Variants in DLGAP3 observed in about 807,000 individuals in gnomAD.
The protein encoded by DLGAP3 is disks large-associated protein 3.
In DLGAP3, 17 loss-of-function variants were observed where a neutral mutation model predicts 81.2. The ratio of observed to expected loss-of-function variants is 0.21; its 90% CI spans 0.14 to 0.31. DLGAP3 has a LOEUF of 0.31. Ranked by LOEUF, DLGAP3 falls within the 10% of genes least tolerant of loss-of-function variation. DLGAP3 has a pLI of 1.00. For synonymous variants in DLGAP3, 577 were observed against 587.4 expected (o/e 0.98, Z 0.26); for missense variants, 1,124 against 1,388.0 (o/e 0.81, Z 3.02).
rs1165785517 is a variant in DLGAP3 at position 34,904,405 on chromosome 1, C to T, written c.979G>A (p.Val327Ile). ...GMSMSLDGQSVKRSAWHTMMV... is the reference protein window; with the variant it reads ...GMSMSLDGQSIKRSAWHTMMV... ...ATGGTATGCCAGGCACTTCGCTTGA[C>T]CGACTGTCCATCCAGTGACATGGAC... The change falls in exon 3 of 12, where the codon GTC (valine) becomes ATC (isoleucine). Residue 327 changes from valine (V) to isoleucine (I), a missense_variant. By Grantham distance (29) the Val-to-Ile change is conservative. Around this residue, in one of 9 missense-constraint regions of DLGAP3, gnomAD observed 357 missense variants for 408.8 expected, o/e 0.87. Coordinates refer to ENST00000373347, the MANE Select transcript of DLGAP3 (RefSeq NM_001080418.3). This position sits in a 1 kb window ranked among gnomAD's most constrained non-coding sequence, Gnocchi z 8.1. The T allele has an allele frequency of 1.2e-6, 2 of 1,613,976 alleles. No individual in the cohort carries two copies. The highest frequency in any genetic ancestry group is 1.7e-6 in the Non-Finnish European group (2 of 1,180,020).
intron 1 of DLGAP3, among the ~76,000 whole-genome samples, chr1:34,915,402 C>A (rs1639701516): frequency 6.6e-6 from 1 of 152,180 alleles, no homozygotes; most frequent in South Asian, 2.1e-4. Flanking sequence ...CAAAGAATAG[C>A]AGGTAGGAGC....
At chr1:34,912,202 T>C (rs1325615665) in intron 1 of DLGAP3, among the ~76,000 whole-genome samples, 1 of 152,256 alleles carries the variant, frequency 6.6e-6, no homozygotes, top group Non-Finnish European at 1.5e-5. Flanking sequence ...GGTAGCTATC[T>C]TTATCATTGT....
chr1:34,885,349 C>T (rs909699846), intron 7 of DLGAP3, 129 bp downstream of exon 7: 3 of 1,058,086 alleles, frequency 2.8e-6, no homozygotes, highest in African/African-American at 3.1e-5. Context: ...TGTCCAGGCA[C>T]GGGGTTCACT....
intron 6 of DLGAP3, 73 bp downstream of exon 6, chr1:34,885,999 G>C (rs929757431): frequency 8.3e-6 from 12 of 1,440,708 alleles, no homozygotes; most frequent in South Asian, 6.3e-5. Context: ...GCACAGTCGA[G>C]GGGGAGGCCA....
chr1:34,905,428 G>A lies in DLGAP3; in HGVS notation c.-45C>T, dbSNP rs1312511092. Reference sequence around the variant, plus strand: ...CATAGTCTTGGGGGCCAGGCCCCAGGAACCTCCTGGAAAAATAGGGAGAAA... The same window carrying A: ...CATAGTCTTGGGGGCCAGGCCCCAGAAACCTCCTGGAAAAATAGGGAGAAA... On this transcript the variant is annotated 5_prime_UTR_variant, in exon 3 of 12. Coordinates refer to ENST00000373347, the MANE Select transcript of DLGAP3 (RefSeq NM_001080418.3). 1 of 1,513,898 alleles carries A rather than the reference G, an allele frequency of 6.6e-7. No individual in the cohort carries two copies. Among genetic ancestry groups the A allele is most frequent in the Admixed American group, 2.3e-5 (1 of 43,988 alleles). The allele number at this position is 1,513,898 out of a possible 1,614,324, so 93.8% of individuals were successfully genotyped here.
Position 34,867,793 on chromosome 1 carries a change from C to T in DLGAP3, c.2486-166G>A, listed in dbSNP as rs915200804. Among the ~76,000 whole-genome samples the T allele has an allele frequency of 1.3e-5, 2 of 152,146 alleles. 1 individual carries two copies. Among genetic ancestry groups the T allele is most frequent in the South Asian group, 4.1e-4 (2 of 4,828 alleles). On this transcript the variant is annotated intron_variant, in intron 9 of 11. Coordinates refer to ENST00000373347, the MANE Select transcript of DLGAP3 (RefSeq NM_001080418.3). This position sits in a 1 kb window ranked among gnomAD's most constrained non-coding sequence, Gnocchi z 4.3. ...CATCCTCAAGTTCCTAACAAGTTCT[C>T]GCTCCACTACACCAAGACTGTATCC... is the stretch of plus-strand genomic sequence containing the variant.
chr1:34,885,376 C>A, intron 7 of DLGAP3, 102 bp downstream of exon 7: 2 of 1,327,242 alleles, frequency 1.5e-6, no homozygotes, highest in Non-Finnish European at 2.1e-6. Flanking sequence ...TCAGGGCAAG[C>A]CAGAAAGAAT....
At position 34,895,353 on chromosome 1, in the gene DLGAP3, G is replaced by A. The variant is rs539616008; in HGVS notation, c.1386+4316C>T. On this transcript the variant is annotated intron_variant, in intron 5 of 11. Coordinates refer to ENST00000373347, the MANE Select transcript of DLGAP3 (RefSeq NM_001080418.3). This position sits in a 1 kb window ranked among gnomAD's most constrained non-coding sequence, Gnocchi z 4.5. ...ACTGCACTCCTACCTGGGCGACAGA[G>A]CGAGACTGTCTCAAAAAAAAAAAAA... 8.2e-4 allele frequency among the ~76,000 whole-genome samples: 121 copies of A among 148,070 alleles called. 1 individual carries two copies. In the South Asian group the frequency reaches 9.1e-3, roughly 11 times the overall value.
In DLGAP3 at chr1:34,886,188, C is replaced by G; in HGVS notation, c.1484G>C (p.Cys495Ser). 1.2e-6 allele frequency: 2 copies of G among 1,611,320 alleles called. No individual in the cohort carries two copies. Among genetic ancestry groups the G allele is most frequent in the Non-Finnish European group, 1.7e-6 (2 of 1,179,346 alleles). Residue 495 changes from cysteine to serine, a missense_variant, in exon 6 of 12, where the codon TGT (cysteine) becomes TCT (serine). Physicochemically the swap from Cys to Ser is moderately radical, Grantham distance 112 (BLOSUM62 -1). Transcript: ENST00000373347. ...GTAGCTGTGGCTCCGCATGCGGAAA[C>G]AGCCGGGCAGGTCCAGGGCGTCCAC... is the stretch of plus-strand genomic sequence containing the variant. Reference protein sequence around the residue: ...QAVDALDLPGCFRMRSHSYLR... With the variant: ...QAVDALDLPGSFRMRSHSYLR...
At chr1:34,879,612 T>C (rs558885952) in intron 8 of DLGAP3, among the ~76,000 whole-genome samples, 1 of 152,160 alleles carries the variant, frequency 6.6e-6, no homozygotes, top group Non-Finnish European at 1.5e-5. Context: ...GTACATAATA[T>C]GACCACAATG....
chr1:34,866,904 A>C, intron 11 of DLGAP3, 144 bp downstream of exon 11: 2 of 929,556 alleles, frequency 2.2e-6, no homozygotes, highest in Non-Finnish European at 3.5e-6. Flanking sequence ...CTGGAAGGGG[A>C]TGGTCACCTA....
At position 34,867,032 on chromosome 1, in the gene DLGAP3, G is replaced by A. The variant is rs1211942036; in HGVS notation, c.2721+16C>T. ...CCAGAGTCTGGCCTCTTTGCCTGAA[G>A]GCACCCCAGCCCCACCTTAGGCTCC... On this transcript the variant is annotated intron_variant, in intron 11 of 11. Transcript: ENST00000373347. This position sits in a 1 kb window ranked among gnomAD's most constrained non-coding sequence, Gnocchi z 4.3. 6.8e-6 allele frequency: 11 copies of A among 1,613,996 alleles called. No individual in the cohort carries two copies. Among genetic ancestry groups the A allele is most frequent in the African/African-American group, 2.7e-5 (2 of 75,038 alleles).
Position 34,885,783 on chromosome 1 carries a change from A to G in DLGAP3, c.1609T>C (p.Phe537Leu), listed in dbSNP as rs1201337153. Residue 537 changes from phenylalanine (F) to leucine (L), a missense_variant, in exon 7 of 12, where the codon TTC (phenylalanine) becomes CTC (leucine). This residue lies in a region of DLGAP3 where 379 missense variants were observed against 455.7 expected (regional missense o/e 0.83). Transcript: ENST00000373347. ...GGGATGGGGGGCGGGGCCTTTCTGA[A>G]GTTGAAGGCTGTGGCCGGCGAGCGC... ...VSGRPGSSFNFRKAPPPIPPG... is the reference protein window; with the variant it reads ...VSGRPGSSFNLRKAPPPIPPG... The G allele has an allele frequency of 1.4e-6, 2 of 1,401,790 alleles. No homozygotes were observed. The highest frequency in any genetic ancestry group is 1.6e-5 in the South Asian group (1 of 61,110). 86.8% of individuals were successfully genotyped at this position (1,401,790 alleles called of 1,614,324 possible).
chr1:34,905,047 C>T lies in DLGAP3; in HGVS notation c.337G>A (p.Gly113Ser), dbSNP rs1366875107. Residue 113 changes from glycine to serine, a missense_variant, in exon 3 of 12, where the codon GGT becomes AGT. Coordinates refer to ENST00000373347, the MANE Select transcript of DLGAP3 (RefSeq NM_001080418.3). ...AGTGTAGGAGGCAGGCGGGGGGCAC[C>T]CTTGCCCTGTGGGTGGCCCACACAG... is the stretch of plus-strand genomic sequence containing the variant. ...EDCVGHPQGK[G>S]APRLPPTLLD... 2 of 1,601,106 alleles carry T rather than the reference C, an allele frequency of 1.2e-6. No homozygotes were observed. Among genetic ancestry groups the T allele is most frequent in the Non-Finnish European group, 1.7e-6 (2 of 1,173,956 alleles).
chr1:34,899,791 G>T, intron 4 of DLGAP3, 50 bp from the exon 5 acceptor site: 2 of 1,560,906 alleles, frequency 1.3e-6, no homozygotes, highest in Non-Finnish European at 1.8e-6. Context: ...GCTAGGAGGT[G>T]GGGGAGGGGA....
Position 34,865,659 on chromosome 1 carries a change from GTT to G in DLGAP3, c.*422_*423del. The G allele has an allele frequency of 3.5e-6, 1 of 286,800 alleles. No individual in the cohort carries two copies. The highest frequency in any genetic ancestry group is 2.7e-5 in the South Asian group (1 of 36,404). 17.8% of individuals were successfully genotyped at this position (286,800 alleles called of 1,614,324 possible). ...AGGGTGGGGCGGGCTCCTAGGCAGGGTTCGGGATTCTTCATAAAAAGCCACGA... is the reference window on the plus strand; with the variant it reads ...AGGGTGGGGCGGGCTCCTAGGCAGGGCGGGATTCTTCATAAAAAGCCACGA... On this transcript the variant is annotated 3_prime_UTR_variant, in exon 12 of 12. Transcript: ENST00000373347.
At chr1:34,892,108 A>G (rs1313756331) in intron 5 of DLGAP3, among the ~76,000 whole-genome samples, 1 of 152,228 alleles carries the variant, frequency 6.6e-6, no homozygotes, top group Non-Finnish European at 1.5e-5. Flanking sequence ...ATGCTTAAAG[A>G]TTTAAAGGAA....
intron 4 of DLGAP3, 119 bp from the exon 5 acceptor site, chr1:34,899,860 C>A: frequency 9.6e-7 from 1 of 1,041,262 alleles, no homozygotes; most frequent in East Asian, 2.4e-5. Flanking sequence ...AAAGAGAGAT[C>A]CCTTAGGAGA....
chr1:34,905,889 C>A (rs1639543274), intron 2 of DLGAP3, among the ~76,000 whole-genome samples: 1 of 151,044 alleles, frequency 6.6e-6, no homozygotes, highest in Admixed American at 6.6e-5. Flanking sequence ...GCCTGTAGTC[C>A]CAGCTACTTG....
Sources: allele counts gnomAD v4.1 joint callset (sites outside exome capture counted in the v4.1 genomes callset), GRCh38; gene constraint gnomAD v4.1.1; regional missense constraint gnomAD v4.1.1; non-coding constraint Gnocchi (gnomAD v3.1); transcripts MANE v1.5; gene names NCBI Gene and HGNC (gene_info 2026-07-23, HGNC 2026-07-21).